Variants in KCNMA1 observed in about 807,000 individuals in gnomAD.
The protein encoded by KCNMA1 is potassium calcium-activated channel subfamily M alpha 1.
A neutral mutation model predicts 140.0 loss-of-function variants in KCNMA1; 29 were observed. The observed-to-expected ratio is 0.21, with a 90% CI of 0.15 to 0.28. The LOEUF (loss-of-function observed/expected upper bound fraction) is 0.28. Among genes scored for constraint, KCNMA1 ranks in the 10% least tolerant of loss-of-function variants. The pLI is 1.00. For synonymous variants in KCNMA1, 612 were observed against 611.9 expected (o/e 1.00, Z 0.00); for missense variants, 880 against 1,602.2 (o/e 0.55, Z 7.70).
intron 19 of KCNMA1, among the ~76,000 whole-genome samples, chr10:76,998,798 T>A (rs1329507009): frequency 6.6e-6 from 1 of 152,194 alleles, no homozygotes; most frequent in Non-Finnish European, 1.5e-5. Context: ...GCCAGTGGAA[T>A]TTCACATAGA....
intron 16 of KCNMA1, chr10:77,020,220 G>A (rs1348044942): frequency 6.6e-6 from 1 of 152,108 alleles, no homozygotes; most frequent in Non-Finnish European, 1.5e-5. Flanking sequence ...AAATATAGAG[G>A]ATGGTAATTA....
At chr10:77,051,544 A>C (rs1054861886) in intron 14 of KCNMA1, among the ~76,000 whole-genome samples, 1 of 152,218 alleles carries the variant, frequency 6.6e-6, no homozygotes, top group African/African-American at 2.4e-5. Flanking sequence ...AGTTTCTCAG[A>C]GTGGATGTTA....
At chr10:77,051,936 A>G (rs2095382330) in intron 14 of KCNMA1, among the ~76,000 whole-genome samples, 1 of 152,184 alleles carries the variant, frequency 6.6e-6, no homozygotes, top group African/African-American at 2.4e-5. Flanking sequence ...ATGTGTTCTA[A>G]CCATACTAAG....
At chr10:77,195,339 C>A (rs961147574) in intron 3 of KCNMA1, among the ~76,000 whole-genome samples, 1 of 152,082 alleles carries the variant, frequency 6.6e-6, no homozygotes, top group African/African-American at 2.4e-5. Flanking sequence ...GCTAGAGTCA[C>A]TCCTTAGGAA....
chr10:77,331,977 C>T lies in KCNMA1; in HGVS notation c.540+71885G>A, dbSNP rs545526066. ...CTATAATTAATGAAATTAGACCATG[C>T]ACATAGATGAGATCCACTCAAGTCT... On this transcript the variant is annotated intron_variant, in intron 2 of 27. Coordinates refer to ENST00000286628, the MANE Select transcript of KCNMA1 (RefSeq NM_001161352.2). Among the ~76,000 whole-genome samples the T allele has an allele frequency of 5.3e-5, 8 of 152,162 alleles. No homozygotes were observed. In the South Asian group the frequency reaches 1.7e-3, roughly 32 times the overall value.
intron 5 of KCNMA1, among the ~76,000 whole-genome samples, chr10:77,151,329 T>C (rs1370585175): frequency 2.1e-5 from 1 of 48,316 alleles, no homozygotes; most frequent in Non-Finnish European, 3.8e-5. Flanking sequence ...TGGGTTCAAG[T>C]GATTCCCGGG....
chr10:77,194,340 A>G (rs1312166249), intron 3 of KCNMA1, among the ~76,000 whole-genome samples: 1 of 152,144 alleles, frequency 6.6e-6, no homozygotes, highest in African/African-American at 2.4e-5. Flanking sequence ...GCAGACTTCA[A>G]AATTCTGTCT....
intron 1 of KCNMA1, among the ~76,000 whole-genome samples, chr10:77,407,532 A>G (rs931043843): frequency 1.3e-5 from 2 of 152,226 alleles, no homozygotes; most frequent in African/African-American, 4.8e-5. Context: ...CAGGCAAGTG[A>G]AATTATTTCC....
intron 1 of KCNMA1, among the ~76,000 whole-genome samples, chr10:77,536,826 T>G (rs944532446): frequency 2.0e-5 from 3 of 152,208 alleles, no homozygotes. Context: ...TCCCCAGAGC[T>G]GCCAACATCC....
chr10:77,378,966 C>T (rs774318703), intron 2 of KCNMA1, among the ~76,000 whole-genome samples: 9 of 152,204 alleles, frequency 5.9e-5, no homozygotes, highest in South Asian at 2.1e-4. Context: ...CCTACATGTA[C>T]GCTCATTTTC....
intron 1 of KCNMA1, among the ~76,000 whole-genome samples, chr10:77,633,240 A>G (rs539602844): frequency 6.6e-6 from 1 of 152,196 alleles, no homozygotes; most frequent in South Asian, 2.1e-4. Flanking sequence ...GCTTGAACCC[A>G]GGAGGCGCAG....
At chr10:77,087,588 A>T (rs953613309) in intron 10 of KCNMA1, among the ~76,000 whole-genome samples, 1 of 152,124 alleles carries the variant, frequency 6.6e-6, no homozygotes, top group African/African-American at 2.4e-5. Flanking sequence ...AGACAGACTT[A>T]ATTTACTCTC....
chr10:76,931,929 A>C (rs910259951), intron 23 of KCNMA1, among the ~76,000 whole-genome samples: 1 of 152,242 alleles, frequency 6.6e-6, no homozygotes, highest in Non-Finnish European at 1.5e-5. Context: ...GCTAGGTACA[A>C]GTGGATAATC....
intron 1 of KCNMA1, among the ~76,000 whole-genome samples, chr10:77,624,164 T>C (rs2092088172): frequency 6.6e-6 from 1 of 152,212 alleles, no homozygotes; most frequent in Non-Finnish European, 1.5e-5. Context: ...AAGGCTGCGT[T>C]TTGGGGCAAG....
intron 18 of KCNMA1, among the ~76,000 whole-genome samples, chr10:77,008,579 C>T (rs1007344372): frequency 1.2e-4 from 19 of 152,132 alleles, no homozygotes; most frequent in East Asian, 1.9e-4. Flanking sequence ...GATATTTCTC[C>T]GGATGAGATG....
At chr10:77,015,083 C>T (rs2153464614) in intron 17 of KCNMA1, among the ~76,000 whole-genome samples, 2 of 152,296 alleles carry the variant, frequency 1.3e-5, no homozygotes, top group South Asian at 4.1e-4. Context: ...TGCTCCAGCT[C>T]ACCGTACCCC....
At chr10:77,623,508 CA>C (rs1188172086) in intron 1 of KCNMA1, among the ~76,000 whole-genome samples, 2 of 150,306 alleles carry the variant, frequency 1.3e-5, no homozygotes, top group African/African-American at 4.9e-5. Context: ...CCAGCCTGGC[CA>C]ACACGGTAAA....
chr10:77,117,837 C>T (rs911011639), intron 6 of KCNMA1, among the ~76,000 whole-genome samples: 9 of 152,192 alleles, frequency 5.9e-5, no homozygotes, highest in South Asian at 2.1e-4. Flanking sequence ...TTTAATTGGC[C>T]GTTTCAGGCT....
At chr10:77,128,437 T>A (rs2097787087) in intron 5 of KCNMA1, among the ~76,000 whole-genome samples, 1 of 150,604 alleles carries the variant, frequency 6.6e-6, no homozygotes, top group Non-Finnish European at 1.5e-5. Context: ...TTTTTCTTTG[T>A]ACTTTTGGGG....
Sources: gnomAD v4.1 joint callset for allele counts (sites outside exome capture counted in the v4.1 genomes callset) on GRCh38, gnomAD v4.1.1 for gene constraint, MANE v1.5 for transcripts, NCBI Gene and HGNC (gene_info 2026-07-23, HGNC 2026-07-21) for gene names.